The following NME1 variants were observed in gnomAD, a reference collection of about 807,000 sequenced individuals.
NME1 encodes nucleoside diphosphate kinase A.
Under a neutral mutation model 17.2 loss-of-function variants are expected in NME1, and 9 were observed. The ratio of observed to expected loss-of-function variants is 0.52; its 90% CI spans 0.32 to 0.92. NME1 has a LOEUF of 0.92. Among genes scored for constraint, NME1 ranks in the 40% least tolerant of loss-of-function variants. The pLI, the probability that NME1 is intolerant of heterozygous loss-of-function variation, is 0.04. For missense variants in NME1, 169 were observed against 201.7 expected (o/e 0.84, Z 0.98); for synonymous variants, 72 against 70.8 (o/e 1.02, Z -0.09).
chr17:51,157,172 G>A (rs560715889), intron 2 of NME1, among the ~76,000 whole-genome samples: 56 of 151,662 alleles, frequency 3.7e-4, no homozygotes, highest in African/African-American at 1.3e-3. Context: ...ACAGTGACTC[G>A]CCTGTCATCC....
intron 3 of NME1, chr17:51,160,355 C>G (rs1048812505): frequency 2.1e-5 from 11 of 519,900 alleles, no homozygotes; most frequent in African/African-American, 1.9e-4. Context: ...CAAGAAGCAG[C>G]CAGCCATGTA....
Position 51,155,798 on chromosome 17 carries a change from T to C in NME1, c.126+18T>C. On this transcript the variant is annotated intron_variant, in intron 2 of 4. Transcript: ENST00000393196. ...TCATGCAAGTAAGTGGACTTCATTG[T>C]TCCCATTTTGATTCCTTCATAGTAT... is the stretch of plus-strand genomic sequence containing the variant. 1.2e-6 allele frequency: 2 copies of C among 1,612,912 alleles called. No homozygotes were observed. Among genetic ancestry groups the C allele is most frequent in the Non-Finnish European group, 1.7e-6 (2 of 1,179,224 alleles).
chr17:51,161,801 C>T lies in NME1; in HGVS notation c.415C>T (p.Leu139=). Reference sequence around the variant, plus strand: ...CGGCTTGTGGTTTCACCCTGAGGAACTGGTAGATTACACGAGCTGTGCTCA... The same window carrying T: ...CGGCTTGTGGTTTCACCCTGAGGAATTGGTAGATTACACGAGCTGTGCTCA... The part of the protein sequence containing the change: ...EIGLWFHPEE[L]VDYTSCAQNW... Residue 139 remains leucine (L), a synonymous_variant, in exon 5 of 5, where the codon CTG becomes TTG. Transcript: ENST00000393196. 1 of 1,613,960 alleles carries T rather than the reference C, an allele frequency of 6.2e-7. No homozygotes were observed. Among genetic ancestry groups the T allele is most frequent in the South Asian group, 1.1e-5 (1 of 91,078 alleles).
intron 1 of NME1, among the ~76,000 whole-genome samples, chr17:51,153,886 G>A (rs1202368658): frequency 6.6e-6 from 1 of 152,180 alleles, no homozygotes; most frequent in Admixed American, 6.5e-5. Context: ...TCGTCAGGCC[G>A]CGACGACAGG....
intron 4 of NME1, 115 bp from the exon 5 acceptor site, chr17:51,161,613 G>A (rs2049865358): frequency 6.9e-6 from 6 of 871,186 alleles, no homozygotes; most frequent in Non-Finnish European, 1.2e-5. Flanking sequence ...CTTTTAACAT[G>A]GTCTAATGTC....
chr17:51,154,301 C>T (rs909628245), intron 1 of NME1: 2 of 1,427,260 alleles, frequency 1.4e-6, no homozygotes, highest in Admixed American at 3.4e-5. Flanking sequence ...GACACACAAA[C>T]AGAAAATTGG....
chr17:51,156,002 C>G, intron 2 of NME1: 1 of 493,926 alleles, frequency 2.0e-6, no homozygotes, highest in East Asian at 4.8e-5. Context: ...ATAGGAGGTG[C>G]ATTGCTACGG....
rs934210246 is a variant in NME1, at chr17:51,162,119, T to G, written c.*274T>G. The G allele has an allele frequency of 7.6e-6, 3 of 393,810 alleles. No homozygotes were observed. The East Asian group carries it at 1.6e-4, about 21-fold the overall frequency. The allele number at this position is 393,810 out of a possible 1,614,324, so 24.4% of individuals were successfully genotyped here. ...ATGTACACTGAATAACCTGACCTAA[T>G]AGAGAGTGTAAATACTATAAAAATG... On this transcript the variant is annotated 3_prime_UTR_variant, in exon 5 of 5. Transcript: ENST00000393196.
In NME1 at chr17:51,161,139, T is replaced by A. The variant is rs1479380307; in HGVS notation, c.229-21T>A. 3.1e-6 allele frequency: 5 copies of A among 1,598,804 alleles called. No individual in the cohort carries two copies. The East Asian group carries it at 9.0e-5, about 29-fold the overall frequency. On this transcript the variant is annotated intron_variant, in intron 3 of 4. Transcript: ENST00000393196. The stretch of plus-strand genomic sequence containing the variant: ...TGTGATTGGTTTTCTTCTTTGACCA[T>A]ATCTTCTTCTGTCCTTGGAGGTCTG...
chr17:51,160,345 C>G (rs557501807), intron 3 of NME1: 1 of 538,408 alleles, frequency 1.9e-6, no homozygotes, highest in South Asian at 1.9e-5. Flanking sequence ...ATCTGAATGA[C>G]AAGAAGCAGC....
At position 51,155,856 on chromosome 17, in the gene NME1, G is replaced by A. The variant is rs571288277; in HGVS notation, c.126+76G>A. On this transcript the variant is annotated intron_variant, in intron 2 of 4. Transcript: ENST00000393196. Reference sequence around the variant, plus strand: ...CACTGTGATTAACCTGTTTCTCCCCGTCTTTCTTATTTAAAGTTCTCCACG... The same window carrying A: ...CACTGTGATTAACCTGTTTCTCCCCATCTTTCTTATTTAAAGTTCTCCACG... 7.3e-4 allele frequency: 1,158 copies of A among 1,596,696 alleles called. 1 individual carries two copies. Among genetic ancestry groups the A allele is most frequent in the Non-Finnish European group, 9.2e-4 (1,075 of 1,168,594 alleles).
intron 3 of NME1, chr17:51,160,669 G>C (rs1430988672): frequency 8.3e-6 from 2 of 242,400 alleles, no homozygotes; most frequent in African/African-American, 4.6e-5. Context: ...GAGTGCAGTG[G>C]TGCCATCTCG....
At chr17:51,160,201 C>T (rs2041296) in intron 3 of NME1, 120 bp downstream of exon 3, 189,631 of 1,031,692 alleles carry the variant, frequency 0.18, 18,728 homozygotes, top group African/African-American at 0.28. Flanking sequence ...TTTTCATATA[C>T]CAGCTAATGG....
chr17:51,157,686 G>T (rs539241824), intron 2 of NME1, among the ~76,000 whole-genome samples: 1 of 152,296 alleles, frequency 6.6e-6, no homozygotes, highest in East Asian at 1.9e-4. Context: ...TGTTCTCGTG[G>T]TTGTTAGTGA....
At chr17:51,156,347 T>C in intron 2 of NME1, 1 of 178,002 alleles carries the variant, frequency 5.6e-6, no homozygotes, top group South Asian at 1.2e-4. Context: ...TGCAAAGGAT[T>C]GATTGACCAA....
chr17:51,156,737 C>G (rs770417655), intron 2 of NME1, among the ~76,000 whole-genome samples: 5 of 151,700 alleles, frequency 3.3e-5, no homozygotes, highest in Non-Finnish European at 7.4e-5. Context: ...ACTAAAAATA[C>G]AAAAATTAGC....
chr17:51,159,986 G>A lies in NME1; in HGVS notation c.133G>A (p.Glu45Lys), dbSNP rs755294523. 3.1e-6 allele frequency: 5 copies of A among 1,614,014 alleles called. No homozygotes were observed. Among genetic ancestry groups the A allele is most frequent in the Admixed American group, 1.7e-5 (1 of 59,972 alleles). ...TCTCTGTCCTGTTGAATAGGCTTCC[G>A]AAGATCTTCTCAAGGAACACTACGT... ...LVGLKFMQASEDLLKEHYVDL... is the reference protein window; with the variant it reads ...LVGLKFMQASKDLLKEHYVDL... Residue 45 changes from glutamate (E) to lysine (K), a missense_variant, in exon 3 of 5, where the codon GAA becomes AAA. Coordinates refer to ENST00000393196, the MANE Select transcript of NME1 (RefSeq NM_000269.3).
intron 1 of NME1, among the ~76,000 whole-genome samples, chr17:51,154,782 ACTG>A (rs1325453467): frequency 6.6e-6 from 1 of 152,148 alleles, no homozygotes; most frequent in Non-Finnish European, 1.5e-5. Flanking sequence ...ATTATTTCTT[ACTG>A]CTTTGTACCG....
intron 1 of NME1, among the ~76,000 whole-genome samples, chr17:51,154,824 TC>T (rs1478208463): frequency 2.0e-5 from 3 of 152,228 alleles, no homozygotes; most frequent in Non-Finnish European, 2.9e-5. Context: ...GTAAAACTTT[TC>T]ATCAGTGTAG....
Sources: gnomAD v4.1 joint callset for allele counts (sites outside exome capture counted in the v4.1 genomes callset) on GRCh38, gnomAD v4.1.1 for gene constraint, MANE v1.5 for transcripts, NCBI Gene and HGNC (gene_info 2026-07-23, HGNC 2026-07-21) for gene names.